MEI4: variants seen among roughly 807,000 people sequenced by gnomAD.
The protein encoded by MEI4 is meiotic double-stranded break formation protein 4.
Under a neutral mutation model 31.4 loss-of-function variants are expected in MEI4, and 27 were observed. The ratio of observed to expected loss-of-function variants is 0.86; its 90% confidence interval spans 0.63 to 1.19. MEI4 has a LOEUF of 1.19. MEI4 is among the 50% of genes most tolerant of loss of function. The pLI, the probability that MEI4 is intolerant of heterozygous loss-of-function variation, is 0.00. For missense variants in MEI4, 329 were observed against 398.9 expected, an observed-to-expected ratio of 0.82 and a Z score of 1.49; for synonymous variants, 122 against 145.4, an observed-to-expected ratio of 0.84 and a Z score of 1.16.
chr6:77,665,534 C>T (rs143349961), intron 1 of MEI4, among the ~76,000 whole-genome samples: 40 of 152,238 alleles, frequency 2.6e-4, no homozygotes, highest in African/African-American at 8.4e-4. Flanking sequence ...GGGGTACTTG[C>T]CCCTTCCCCA....
intron 3 of MEI4, among the ~76,000 whole-genome samples, chr6:77,771,592 G>T (rs1247363541): frequency 6.6e-6 from 1 of 152,064 alleles, no homozygotes; most frequent in Non-Finnish European, 1.5e-5. Flanking sequence ...ATACACTGTG[G>T]AATACTATGC....
chr6:77,798,133 A>G (rs1345297009), intron 3 of MEI4, among the ~76,000 whole-genome samples: 1 of 152,090 alleles, frequency 6.6e-6, no homozygotes, highest in Non-Finnish European at 1.5e-5. Flanking sequence ...TAAGATTCAT[A>G]TAATAATGCA....
chr6:77,663,937 C>A (rs1410440105), intron 1 of MEI4, among the ~76,000 whole-genome samples: 1 of 152,098 alleles, frequency 6.6e-6, no homozygotes, highest in Non-Finnish European at 1.5e-5. Flanking sequence ...CAGTGGGGTC[C>A]CACACAGATG....
intron 3 of MEI4, among the ~76,000 whole-genome samples, chr6:77,800,434 T>C (rs1357476508): frequency 6.6e-6 from 1 of 152,230 alleles, no homozygotes; most frequent in Non-Finnish European, 1.5e-5. Flanking sequence ...AATCAAGTCA[T>C]CTGCAAACAG....
At chr6:77,744,698 AT>A (rs1767531986) in intron 2 of MEI4, among the ~76,000 whole-genome samples, 1 of 152,216 alleles carries the variant, frequency 6.6e-6, no homozygotes, top group African/African-American at 2.4e-5. Context: ...TGAAGGAAAA[AT>A]TGTTAAGGGC....
At position 77,828,000 on chromosome 6, in the gene MEI4, A is replaced by T. The variant is rs1218693276; in HGVS notation, c.769-931A>T. Among the ~76,000 whole-genome samples, 3 of 152,038 alleles carry T rather than the reference A, an allele frequency of 2.0e-5. No individual in the cohort carries two copies. The East Asian group carries it at 5.8e-4, about 29-fold the overall frequency. On this transcript the variant is annotated intron_variant, in intron 3 of 4. Transcript: ENST00000684080. ...AAATATATTTTATTTATAGTATTTAACTTTTCAAGGTTCAGTGAACTAAAT... is the reference window on the plus strand; with the variant it reads ...AAATATATTTTATTTATAGTATTTATCTTTTCAAGGTTCAGTGAACTAAAT...
At chr6:77,917,596 T>C (rs1766591272) in intron 4 of MEI4, among the ~76,000 whole-genome samples, 1 of 65,954 alleles carries the variant, frequency 1.5e-5, no homozygotes, top group Non-Finnish European at 2.7e-5. Context: ...TTCATGTCCT[T>C]TGCCCACTTT....
At chr6:77,741,399 G>A (rs1375554107) in intron 2 of MEI4, among the ~76,000 whole-genome samples, 1 of 152,068 alleles carries the variant, frequency 6.6e-6, no homozygotes, top group Admixed American at 6.5e-5. Context: ...GGTCTAGAGT[G>A]TGGCCTAGAG....
intron 4 of MEI4, among the ~76,000 whole-genome samples, chr6:77,917,185 C>A (rs374939257): frequency 1.3e-5 from 2 of 151,944 alleles, no homozygotes; most frequent in Admixed American, 6.6e-5. Context: ...GGACATTTGG[C>A]TTGGTTCCAA....
intron 1 of MEI4, among the ~76,000 whole-genome samples, chr6:77,675,721 G>A (rs1361523457): frequency 6.6e-6 from 1 of 151,994 alleles, no homozygotes; most frequent in African/African-American, 2.4e-5. Flanking sequence ...GAAAACCATA[G>A]ATATAACATC....
At chr6:77,836,007 CAT>C (rs1392172907) in intron 4 of MEI4, among the ~76,000 whole-genome samples, 1 of 151,934 alleles carries the variant, frequency 6.6e-6, no homozygotes, top group Non-Finnish European at 1.5e-5. Context: ...AAATACAAAA[CAT>C]GACACTTTCA....
intron 4 of MEI4, among the ~76,000 whole-genome samples, chr6:77,867,239 T>C (rs1380519900): frequency 6.6e-6 from 1 of 152,138 alleles, no homozygotes; most frequent in Non-Finnish European, 1.5e-5. Context: ...CTAATTAAAC[T>C]AAAGAGCTTC....
intron 4 of MEI4, among the ~76,000 whole-genome samples, chr6:77,898,481 T>G (rs889694819): frequency 4.6e-5 from 7 of 152,032 alleles, no homozygotes; most frequent in Non-Finnish European, 8.8e-5. Context: ...GAACATTTAG[T>G]TTAACATTTA....
In MEI4 at chr6:77,801,605, G is replaced by C. The variant is rs1388764027; in HGVS notation, c.769-27326G>C. ...AGGGTGTCAATTTTAGATCTTTCCTGCTTTCTCTTGTGGGCATTTAGTGCT... is the reference window on the plus strand; with the variant it reads ...AGGGTGTCAATTTTAGATCTTTCCTCCTTTCTCTTGTGGGCATTTAGTGCT... On this transcript the variant is annotated intron_variant, in intron 3 of 4. Coordinates refer to ENST00000684080, the MANE Select transcript of MEI4 (RefSeq NM_001322247.2). Among the ~76,000 whole-genome samples, 3 of 152,188 alleles carry C rather than the reference G, an allele frequency of 2.0e-5. No homozygotes were observed. In the East Asian group the frequency reaches 5.8e-4, roughly 29 times the overall value.
Position 77,925,328 on chromosome 6 carries a change from T to C in MEI4, c.*1982T>C, listed in dbSNP as rs951016952. Reference sequence around the variant, plus strand: ...GGAGAAACATTTTATTTCCATTTGGTATCCATTTTATATAAACATTTAACT... The same window carrying C: ...GGAGAAACATTTTATTTCCATTTGGCATCCATTTTATATAAACATTTAACT... On this transcript the variant is annotated 3_prime_UTR_variant, in exon 5 of 5. Coordinates refer to ENST00000684080, the MANE Select transcript of MEI4 (RefSeq NM_001322247.2). 1.3e-5 allele frequency: 2 copies of C among 151,890 alleles called. No homozygotes were observed. The highest frequency in any genetic ancestry group is 4.8e-5 in the African/African-American group (2 of 41,418). 9.4% of individuals were successfully genotyped at this position (151,890 alleles called of 1,614,324 possible). A position where few individuals can be genotyped will look rare whatever the true frequency, so the allele number is the denominator to read the frequency against.
At chr6:77,736,245 C>T (rs906497753) in intron 2 of MEI4, among the ~76,000 whole-genome samples, 12 of 152,150 alleles carry the variant, frequency 7.9e-5, no homozygotes, top group Non-Finnish European at 1.6e-4. Flanking sequence ...TTGCTGCCCC[C>T]TTGCAGTTTG....
At chr6:77,835,489 C>T (rs1198089738) in intron 4 of MEI4, among the ~76,000 whole-genome samples, 1 of 149,188 alleles carries the variant, frequency 6.7e-6, no homozygotes, top group Non-Finnish European at 1.5e-5. Flanking sequence ...GGTGATTTAA[C>T]ATGAATGATA....
At chr6:77,836,145 C>A (rs1342320869) in intron 4 of MEI4, among the ~76,000 whole-genome samples, 1 of 151,964 alleles carries the variant, frequency 6.6e-6, no homozygotes, top group Admixed American at 6.6e-5. Flanking sequence ...GAAAAGAAAA[C>A]ATCTCTTTAG....
chr6:77,705,884 G>A (rs1160921161), intron 2 of MEI4, among the ~76,000 whole-genome samples: 1 of 152,182 alleles, frequency 6.6e-6, no homozygotes, highest in African/African-American at 2.4e-5. Context: ...TGTGTGTGCT[G>A]TGAAGGAGAC....
Sources: allele counts gnomAD v4.1 joint callset (sites outside exome capture counted in the v4.1 genomes callset), GRCh38; gene constraint gnomAD v4.1.1; transcripts MANE v1.5; gene names NCBI Gene and HGNC (gene_info 2026-07-23, HGNC 2026-07-21).